AGBL1: variants seen among roughly 807,000 people sequenced by gnomAD.
AGBL1 encodes cytosolic carboxypeptidase 4.
Under a neutral mutation model 118.9 loss-of-function variants are expected in AGBL1, and 130 were observed. That is an observed-to-expected ratio of 1.09 (90% CI 0.95 to 1.26). AGBL1 has a LOEUF of 1.26. AGBL1 is among the 50% of genes most tolerant of loss of function. The probability of loss-of-function intolerance (pLI) is 0.00; values close to 1 mark genes in which losing one functional copy is unlikely to be tolerated. For synonymous variants in AGBL1, 555 were observed against 478.9 expected, an observed-to-expected ratio of 1.16 and a Z score of -2.08; for missense variants, 1,584 against 1,298.1, an observed-to-expected ratio of 1.22 and a Z score of -3.38.
At chr15:86,575,921 T>C (rs1220811944) in intron 21 of AGBL1, among the ~76,000 whole-genome samples, 1 of 152,178 alleles carries the variant, frequency 6.6e-6, no homozygotes, top group African/African-American at 2.4e-5. Context: ...TCTGAAATCT[T>C]CCAGAAATTT....
In AGBL1 at chr15:86,827,316, TACACAC is replaced by T. The variant is rs1174519239; in HGVS notation, c.3159-79767_3159-79762del. On this transcript the variant is annotated intron_variant, in intron 22 of 22. Coordinates refer to ENST00000614907, the MANE Select transcript of AGBL1 (RefSeq NM_001386094.1). ...GTATATATATATGTATATATATATATACACACACATATATATATATATGTGTATATA... is the reference window on the plus strand; with the variant it reads ...GTATATATATATGTATATATATATATACATATATATATATATGTGTATATA... Among the ~76,000 whole-genome samples the T allele has an allele frequency of 0.04, 400 of 9,908 alleles. 22 individuals carry two copies. The East Asian group carries it at 0.43, about 11-fold the overall frequency. 6.5% of individuals were successfully genotyped at this position (9,908 alleles called of 152,430 possible).
intron 2 of AGBL1, among the ~76,000 whole-genome samples, chr15:86,143,021 C>G (rs575770769): frequency 4.6e-5 from 7 of 152,290 alleles, no homozygotes; most frequent in African/African-American, 1.7e-4. Flanking sequence ...GAGAATCAAC[C>G]AAGGCCAAGT....
At chr15:87,014,890 A>G (rs1239022805) in intron 24 of AGBL1, among the ~76,000 whole-genome samples, 2 of 151,976 alleles carry the variant, frequency 1.3e-5, no homozygotes, top group Non-Finnish European at 2.9e-5. Flanking sequence ...CACTGAATAG[A>G]GGGCTGCCTA....
At chr15:86,545,970 G>A (rs772248825) in intron 19 of AGBL1, 32 bp from the exon 20 acceptor site, 1 of 1,605,384 alleles carries the variant, frequency 6.2e-7, no homozygotes, top group Non-Finnish European at 8.5e-7. Flanking sequence ...ACCTGACCTG[G>A]TTTTATTTTC....
chr15:87,013,572 G>T (rs2081582735), intron 24 of AGBL1, among the ~76,000 whole-genome samples: 1 of 151,330 alleles, frequency 6.6e-6, no homozygotes, highest in African/African-American at 2.4e-5. Flanking sequence ...ATTTATTTTG[G>T]TTGAATAAAT....
chr15:86,532,961 C>G (rs1490211846), intron 19 of AGBL1, among the ~76,000 whole-genome samples: 10 of 99,188 alleles, frequency 1.0e-4, no homozygotes, highest in South Asian at 3.8e-4. Flanking sequence ...AAAATCAATT[C>G]AAGATGGATT....
At position 86,390,660 on chromosome 15, in the gene AGBL1, A is replaced by ATTTTTTTTTTTTTTTTTTTTTTTTTT. The variant is rs756052402; in HGVS notation, c.2375-6705_2375-6680dup. Among the ~76,000 whole-genome samples, 3 of 75,474 alleles carry ATTTTTTTTTTTTTTTTTTTTTTTTTT rather than the reference A, an allele frequency of 4.0e-5. 1 individual carries two copies. The highest frequency in any genetic ancestry group is 5.3e-5 in the African/African-American group (1 of 18,972). The allele number at this position is 75,474 out of a possible 152,430, so 49.5% of individuals were successfully genotyped here. The stretch of plus-strand genomic sequence containing the variant: ...AGGCAGAAAAGTTATATACTGTATG[A>ATTTTTTTTTTTTTTTTTTTTTTTTTT]TTTTTTTTTTTTTTTTTTTTTTTTT... On this transcript the variant is annotated intron_variant, in intron 17 of 22. Transcript: ENST00000614907.
chr15:86,401,602 G>T (rs2081446547), intron 18 of AGBL1, among the ~76,000 whole-genome samples: 1 of 152,030 alleles, frequency 6.6e-6, no homozygotes, highest in South Asian at 2.1e-4. Flanking sequence ...TTAAGTCTTT[G>T]ATCCATCTTG....
intron 22 of AGBL1, among the ~76,000 whole-genome samples, chr15:86,778,845 G>C (rs1041420959): frequency 1.3e-5 from 2 of 152,160 alleles, no homozygotes; most frequent in Non-Finnish European, 2.9e-5. Context: ...GAAATCACAA[G>C]GATATTGATT....
rs879093465 is a variant in AGBL1, at chr15:86,154,324, A to G, written c.263-106A>G. 8 of 1,296,762 alleles carry G rather than the reference A, an allele frequency of 6.2e-6. No homozygotes were observed. The Admixed American group carries it at 1.0e-4, about 16-fold the overall frequency. 80.3% of individuals were successfully genotyped at this position (1,296,762 alleles called of 1,614,324 possible). On this transcript the variant is annotated intron_variant, in intron 3 of 22. Transcript: ENST00000614907. Reference sequence around the variant, plus strand: ...CTAGGTCTGAAAAATGTCTTTGGCTATGATTATCCTCCTCCTTCACCATCT... The same window carrying G: ...CTAGGTCTGAAAAATGTCTTTGGCTGTGATTATCCTCCTCCTTCACCATCT...
At chr15:86,209,220 A>G (rs2078048668) in intron 5 of AGBL1, among the ~76,000 whole-genome samples, 2 of 152,122 alleles carry the variant, frequency 1.3e-5, no homozygotes, top group South Asian at 4.1e-4. Flanking sequence ...TTGACTGAGG[A>G]GTGCTTTACT....
chr15:86,220,030 C>CAACCTCT (rs1490748179), intron 5 of AGBL1, among the ~76,000 whole-genome samples: 3 of 145,568 alleles, frequency 2.1e-5, no homozygotes, highest in African/African-American at 5.1e-5. Context: ...TGGTTCACTG[C>CAACCTCT]AACCTCTACT....
intron 18 of AGBL1, among the ~76,000 whole-genome samples, chr15:86,486,124 T>C (rs2082709691): frequency 6.6e-6 from 1 of 152,150 alleles, no homozygotes; most frequent in Non-Finnish European, 1.5e-5. Context: ...ATATAATGGC[T>C]GGCTGACAGT....
intron 17 of AGBL1, among the ~76,000 whole-genome samples, chr15:86,345,862 A>G (rs923106750): frequency 1.8e-4 from 28 of 152,172 alleles, no homozygotes; most frequent in African/African-American, 6.8e-4. Context: ...TGGCATTTTA[A>G]TAGGTTGAAG....
chr15:86,153,657 T>C (rs2077147929), intron 3 of AGBL1, among the ~76,000 whole-genome samples: 1 of 152,138 alleles, frequency 6.6e-6, no homozygotes, highest in Non-Finnish European at 1.5e-5. Flanking sequence ...TTAAATTATT[T>C]TTTAAAAAAG....
At chr15:86,856,217 C>A (rs899586192) in intron 22 of AGBL1, among the ~76,000 whole-genome samples, 5 of 152,272 alleles carry the variant, frequency 3.3e-5, no homozygotes, top group Admixed American at 3.3e-4. Flanking sequence ...TCTGTCCCTG[C>A]CTCCCCAGAG....
At chr15:86,294,806 C>T (rs1290657432) in intron 16 of AGBL1, among the ~76,000 whole-genome samples, 1 of 152,082 alleles carries the variant, frequency 6.6e-6, no homozygotes, top group Non-Finnish European at 1.5e-5. Flanking sequence ...TTCTTACATG[C>T]ATAGATTGAG....
chr15:86,816,764 G>T (rs932758929), intron 22 of AGBL1, among the ~76,000 whole-genome samples: 1 of 152,292 alleles, frequency 6.6e-6, no homozygotes, highest in Admixed American at 6.5e-5. Context: ...GTGACCAGAA[G>T]AGGTAAGTGG....
chr15:86,351,316 A>C (rs1273704975), intron 17 of AGBL1, among the ~76,000 whole-genome samples: 1 of 152,172 alleles, frequency 6.6e-6, no homozygotes, highest in African/African-American at 2.4e-5. Flanking sequence ...TAATGAGGGC[A>C]AAGTCCTTAT....
Sources: gnomAD v4.1 joint callset for allele counts (sites outside exome capture counted in the v4.1 genomes callset) on GRCh38, gnomAD v4.1.1 for gene constraint, MANE v1.5 for transcripts, NCBI Gene and HGNC (gene_info 2026-07-23, HGNC 2026-07-21) for gene names.